Variants in NELL1 observed in about 807,000 individuals in gnomAD.
The protein encoded by NELL1 is neural EGFL like 1.
Under a neutral mutation model 107.4 loss-of-function variants are expected in NELL1, and 76 were observed. That is an observed-to-expected ratio of 0.71 (90% CI 0.59 to 0.86). NELL1 has a LOEUF of 0.86. Among genes scored for constraint, NELL1 ranks in the 40% least tolerant of loss-of-function variants. The pLI is 0.00. For missense variants in NELL1, 1,024 were observed against 1,005.5 expected, an observed-to-expected ratio of 1.02 and a Z score of -0.25; for synonymous variants, 353 against 341.2, an observed-to-expected ratio of 1.03 and a Z score of -0.38.
intron 7 of NELL1, among the ~76,000 whole-genome samples, chr11:20,923,406 C>A (rs949821100): frequency 1.3e-5 from 2 of 152,156 alleles, no homozygotes; most frequent in African/African-American, 4.8e-5. Flanking sequence ...GGCATTTTGG[C>A]AAAACTATAC....
intron 15 of NELL1, among the ~76,000 whole-genome samples, chr11:21,496,102 A>G (rs1456624887): frequency 6.6e-6 from 1 of 151,822 alleles, no homozygotes; most frequent in East Asian, 1.9e-4. Context: ...TGATAGATTA[A>G]TTTTTCATTT....
In NELL1 at chr11:20,911,370, C is replaced by A. The variant is rs181001904; in HGVS notation, c.604-6812C>A. On this transcript the variant is annotated intron_variant, in intron 5 of 19. Transcript: ENST00000357134. ...TCCTACTAAGTTAGTGATTTTTATC[C>A]CCATTGTGTAGGTCAGGCAATTGGA... Among the ~76,000 whole-genome samples the A allele has an allele frequency of 2.6e-5, 4 of 152,226 alleles. No homozygotes were observed. In the East Asian group the frequency reaches 7.7e-4, roughly 29 times the overall value.
intron 18 of NELL1, among the ~76,000 whole-genome samples, chr11:21,572,289 A>C (rs981878524): frequency 6.6e-6 from 1 of 151,828 alleles, no homozygotes; most frequent in Non-Finnish European, 1.5e-5. Flanking sequence ...AATATTTCTC[A>C]GGAAAATTGA....
chr11:20,947,156 C>T (rs1250809916), intron 10 of NELL1, among the ~76,000 whole-genome samples, 180 bp from the exon 11 acceptor site: 1 of 152,030 alleles, frequency 6.6e-6, no homozygotes, highest in East Asian at 1.9e-4. Context: ...GGAAATTTAC[C>T]TTATATTCCA....
In NELL1 at chr11:21,386,548, C is replaced by A. The variant is rs552494951; in HGVS notation, c.1645+15600C>A. 2.0e-5 allele frequency among the ~76,000 whole-genome samples: 3 copies of A among 152,008 alleles called. No individual in the cohort carries two copies. The East Asian group carries it at 5.9e-4, about 30-fold the overall frequency. On this transcript the variant is annotated intron_variant, in intron 15 of 19. Transcript: ENST00000357134. Reference sequence around the variant, plus strand: ...TTTTCCTGGTTCTTAAATTGCCCAGCAGTTTCTTTTGGAGCAGACCATCTG... The same window carrying A: ...TTTTCCTGGTTCTTAAATTGCCCAGAAGTTTCTTTTGGAGCAGACCATCTG...
At chr11:21,544,541 A>T (rs2133982234) in intron 16 of NELL1, among the ~76,000 whole-genome samples, 1 of 152,088 alleles carries the variant, frequency 6.6e-6, no homozygotes, top group East Asian at 1.9e-4. Flanking sequence ...AGGTATAATA[A>T]TAAAAGTAAA....
intron 14 of NELL1, among the ~76,000 whole-genome samples, chr11:21,235,104 A>G (rs1858171696): frequency 6.6e-6 from 1 of 152,168 alleles, no homozygotes; most frequent in African/African-American, 2.4e-5. Context: ...AACATGGTTA[A>G]TGTAATGAGG....
chr11:21,076,644 C>A (rs1366262213), intron 12 of NELL1, among the ~76,000 whole-genome samples: 1 of 152,148 alleles, frequency 6.6e-6, no homozygotes, highest in Non-Finnish European at 1.5e-5. Context: ...GCCCTGAAAA[C>A]TCATGTTGAA....
At chr11:21,362,012 C>A (rs892977142) in intron 14 of NELL1, among the ~76,000 whole-genome samples, 1 of 152,146 alleles carries the variant, frequency 6.6e-6, no homozygotes, top group Non-Finnish European at 1.5e-5. Flanking sequence ...CTGGGTTTGG[C>A]TCCATTGCTA....
At chr11:21,296,001 T>C (rs773195931) in intron 14 of NELL1, among the ~76,000 whole-genome samples, 1 of 151,990 alleles carries the variant, frequency 6.6e-6, no homozygotes, top group Non-Finnish European at 1.5e-5. Context: ...AAGCATCTGG[T>C]TTGCTACAGT....
At chr11:21,334,572 T>G (rs1850344472) in intron 14 of NELL1, among the ~76,000 whole-genome samples, 1 of 151,936 alleles carries the variant, frequency 6.6e-6, no homozygotes, top group Non-Finnish European at 1.5e-5. Flanking sequence ...TTTCCCCTAT[T>G]TCTAAGTCCC....
intron 14 of NELL1, among the ~76,000 whole-genome samples, chr11:21,280,653 G>C (rs916524718): frequency 2.6e-5 from 4 of 152,100 alleles, no homozygotes; most frequent in African/African-American, 9.7e-5. Flanking sequence ...ACCAGCCCTA[G>C]CCAGAGGAGA....
intron 14 of NELL1, among the ~76,000 whole-genome samples, chr11:21,338,515 T>C (rs926269510): frequency 1.1e-4 from 17 of 152,180 alleles, no homozygotes; most frequent in Non-Finnish European, 2.2e-4. Context: ...GAAAAGGTTA[T>C]TGACCCCAGA....
chr11:20,794,337 G>C (rs1444823407), intron 3 of NELL1, among the ~76,000 whole-genome samples: 1 of 152,206 alleles, frequency 6.6e-6, no homozygotes, highest in Non-Finnish European at 1.5e-5. Context: ...GCCTCAAATA[G>C]GGGTTTCTCC....
intron 3 of NELL1, among the ~76,000 whole-genome samples, chr11:20,813,618 C>T (rs1230934638): frequency 6.6e-6 from 1 of 152,134 alleles, no homozygotes; most frequent in African/African-American, 2.4e-5. Context: ...TTGATTCAAA[C>T]CAACAAGAGG....
intron 13 of NELL1, among the ~76,000 whole-genome samples, chr11:21,219,906 C>A (rs985944364): frequency 1.3e-5 from 2 of 152,054 alleles, no homozygotes; most frequent in Non-Finnish European, 2.9e-5. Flanking sequence ...GCTTCAGAAA[C>A]CTTAGGAAAC....
chr11:20,823,121 C>A lies in NELL1; in HGVS notation c.336-24462C>A, dbSNP rs567433102. 8.5e-4 allele frequency among the ~76,000 whole-genome samples: 129 copies of A among 151,508 alleles called. 4 individuals carry two copies. The highest frequency in any genetic ancestry group is 2.9e-3 in the African/African-American group (121 of 41,492). On this transcript the variant is annotated intron_variant, in intron 3 of 19. Coordinates refer to ENST00000357134, the MANE Select transcript of NELL1 (RefSeq NM_006157.5). ...TGATAAAGGCATACCTGAGACTGGG[C>A]AATTTACAAAAGAAAGAAGTTTAAT...
chr11:21,271,145 T>G lies in NELL1; in HGVS notation c.1549+41691T>G, dbSNP rs369731615. Among the ~76,000 whole-genome samples, 659 of 151,970 alleles carry G rather than the reference T, an allele frequency of 4.3e-3. 5 individuals are homozygous for G. Among genetic ancestry groups the G allele is most frequent in the Non-Finnish European group, 6.5e-3 (440 of 67,940 alleles). ...GGAGAAAACATATAATAAAAATTAG[T>G]GCCAAAATCAATGAAATTGAAAACA... On this transcript the variant is annotated intron_variant, in intron 14 of 19. Transcript: ENST00000357134.
At chr11:21,406,005 G>T (rs1177906426) in intron 15 of NELL1, among the ~76,000 whole-genome samples, 1 of 152,004 alleles carries the variant, frequency 6.6e-6, no homozygotes, top group Non-Finnish European at 1.5e-5. Flanking sequence ...CAATAAGGTT[G>T]TATTGGCCCC....
Sources: gnomAD v4.1 joint callset for allele counts (sites outside exome capture counted in the v4.1 genomes callset) on GRCh38, gnomAD v4.1.1 for gene constraint, MANE v1.5 for transcripts, NCBI Gene and HGNC (gene_info 2026-07-23, HGNC 2026-07-21) for gene names.